Variants in EYS observed in about 807,000 individuals in gnomAD.
EYS encodes the protein EGF-like photoreceptor maintenance factor.
A neutral mutation model predicts 282.1 loss-of-function variants in EYS; 250 were observed. The ratio of observed to expected loss-of-function variants is 0.89; its 90% CI spans 0.80 to 0.98. EYS has a LOEUF of 0.98. Among genes scored for constraint, EYS ranks in the 50% least tolerant of loss-of-function variants. The pLI is 0.00. For missense variants in EYS, 4,016 were observed against 3,709.0 expected (o/e 1.08, Z -2.15); for synonymous variants, 1,355 against 1,282.9 (o/e 1.06, Z -1.20).
chr6:64,376,018 A>C (rs892778553), intron 29 of EYS, among the ~76,000 whole-genome samples: 9 of 152,156 alleles, frequency 5.9e-5, no homozygotes, highest in Admixed American at 5.9e-4. Context: ...CTATTCCATA[A>C]AAAAATTGTG....
chr6:63,915,503 G>T (rs1764399712), intron 35 of EYS, among the ~76,000 whole-genome samples: 1 of 152,194 alleles, frequency 6.6e-6, no homozygotes, highest in South Asian at 2.1e-4. Context: ...TGTAGCCCAT[G>T]AATTAAGGAG....
At chr6:64,365,144 G>A (rs1772145701) in intron 29 of EYS, among the ~76,000 whole-genome samples, 1 of 151,588 alleles carries the variant, frequency 6.6e-6, no homozygotes, top group Non-Finnish European at 1.5e-5. Context: ...CTTTTCAACT[G>A]GAAATAGTTA....
intron 1 of EYS, among the ~76,000 whole-genome samples, chr6:65,693,768 A>G (rs1769334582): frequency 6.7e-6 from 1 of 150,054 alleles, no homozygotes; most frequent in African/African-American, 2.4e-5. Flanking sequence ...AAGTAAACGC[A>G]ATGAGATATG....
chr6:63,783,919 T>C (rs1770300166), intron 39 of EYS, among the ~76,000 whole-genome samples: 1 of 152,088 alleles, frequency 6.6e-6, no homozygotes. Context: ...ACACTTGAAT[T>C]GATAAACTGG....
intron 15 of EYS, among the ~76,000 whole-genome samples, chr6:64,917,261 AAC>A (rs1768195733): frequency 6.6e-6 from 1 of 151,848 alleles, no homozygotes; most frequent in Admixed American, 6.6e-5. Flanking sequence ...AAAAAAAAAA[AAC>A]AAAATTCACT....
At chr6:65,688,896 A>G (rs1476042188) in intron 1 of EYS, among the ~76,000 whole-genome samples, 1 of 151,780 alleles carries the variant, frequency 6.6e-6, no homozygotes, top group Non-Finnish European at 1.5e-5. Flanking sequence ...GAGGATGTGG[A>G]GAAATAGGAA....
At chr6:63,782,162 T>C (rs549761061) in intron 39 of EYS, among the ~76,000 whole-genome samples, 7 of 152,348 alleles carry the variant, frequency 4.6e-5, no homozygotes, top group Admixed American at 3.3e-4. Context: ...CAGTATTTTA[T>C]TGAGGATTTT....
intron 2 of EYS, among the ~76,000 whole-genome samples, chr6:65,500,487 G>A (rs535157394): frequency 6.6e-6 from 1 of 152,008 alleles, no homozygotes; most frequent in African/African-American, 2.4e-5. Flanking sequence ...ATAAGCGCAG[G>A]TAGATTTGAG....
intron 21 of EYS, among the ~76,000 whole-genome samples, chr6:64,818,755 C>G (rs979140906): frequency 3.5e-5 from 5 of 142,770 alleles, no homozygotes; most frequent in African/African-American, 1.3e-4. Context: ...TCTAGCTGAG[C>G]TGGCAGCTGA....
chr6:64,295,233 G>A (rs545944469), intron 30 of EYS, among the ~76,000 whole-genome samples: 7 of 146,396 alleles, frequency 4.8e-5, no homozygotes, highest in African/African-American at 7.7e-5. Flanking sequence ...AAAATTAGCC[G>A]TTTTTTTAGT....
chr6:64,030,297 A>G (rs1769758866), intron 33 of EYS, among the ~76,000 whole-genome samples: 1 of 152,066 alleles, frequency 6.6e-6, no homozygotes, highest in South Asian at 2.1e-4. Flanking sequence ...AAAACAGTGT[A>G]CCCTACTCCT....
rs151263616 is a variant in EYS, at chr6:65,351,741, G to A, written c.1459+1717C>T. Among the ~76,000 whole-genome samples the A allele has an allele frequency of 1.3e-3, 199 of 151,890 alleles. 1 individual carries two copies. Among genetic ancestry groups the A allele is most frequent in the African/African-American group, 4.5e-3 (186 of 41,534 alleles). ...ACTAATTTGGTTGTAACAGTAGAGA[G>A]CATTTCTCAATCTGCACACTGAAAG... On this transcript the variant is annotated intron_variant, in intron 9 of 42. Coordinates refer to ENST00000503581, the MANE Select transcript of EYS (RefSeq NM_001142800.2).
intron 30 of EYS, among the ~76,000 whole-genome samples, chr6:64,269,947 A>G (rs1242276238): frequency 6.6e-6 from 1 of 151,246 alleles, no homozygotes; most frequent in African/African-American, 2.5e-5. Flanking sequence ...AAGCTCTGTT[A>G]TAATTCTTTA....
intron 19 of EYS, among the ~76,000 whole-genome samples, chr6:64,829,275 T>C (rs1333831954): frequency 1.3e-5 from 2 of 151,950 alleles, no homozygotes; most frequent in Non-Finnish European, 2.9e-5. Context: ...GCCACCACAA[T>C]GGTGGTACAA....
chr6:64,934,613 G>A (rs1768844347), intron 15 of EYS, among the ~76,000 whole-genome samples: 1 of 151,288 alleles, frequency 6.6e-6, no homozygotes, highest in African/African-American at 2.4e-5. Flanking sequence ...TGATATATTT[G>A]AAGTGCTAAA....
At chr6:64,116,275 TA>T (rs1773381659) in intron 31 of EYS, among the ~76,000 whole-genome samples, 1 of 152,076 alleles carries the variant, frequency 6.6e-6, no homozygotes, top group Non-Finnish European at 1.5e-5. Flanking sequence ...AAGAACTTTT[TA>T]ACATATAAGA....
At chr6:63,834,697 A>G (rs1771753591) in intron 36 of EYS, among the ~76,000 whole-genome samples, 1 of 151,680 alleles carries the variant, frequency 6.6e-6, no homozygotes. Flanking sequence ...CCATCCCATT[A>G]CTGGGCATAT....
At chr6:65,195,874 C>A (rs976238909) in intron 12 of EYS, among the ~76,000 whole-genome samples, 4 of 151,964 alleles carry the variant, frequency 2.6e-5, no homozygotes, top group Non-Finnish European at 5.9e-5. Context: ...ATAAATCATG[C>A]AACAGGAATG....
At chr6:64,346,532 T>A (rs1771403712) in intron 29 of EYS, among the ~76,000 whole-genome samples, 1 of 150,600 alleles carries the variant, frequency 6.6e-6, no homozygotes, top group African/African-American at 2.4e-5. Flanking sequence ...AAGGGGAACA[T>A]CACACACCAG....
Sources: gnomAD v4.1 joint callset for allele counts (sites outside exome capture counted in the v4.1 genomes callset) on GRCh38, gnomAD v4.1.1 for gene constraint, MANE v1.5 for transcripts, NCBI Gene and HGNC (gene_info 2026-07-23, HGNC 2026-07-21) for gene names.